Variants in MARCO observed in about 807,000 individuals in gnomAD.
MARCO encodes the protein macrophage receptor with collagenous structure.
Under a neutral mutation model 70.0 loss-of-function variants are expected in MARCO, and 72 were observed. The ratio of observed to expected loss-of-function variants is 1.03; its 90% CI spans 0.85 to 1.25. MARCO has a LOEUF of 1.25. Ranked by LOEUF, MARCO falls within the 50% of genes most tolerant of loss-of-function variation. The pLI is 0.00. For synonymous variants in MARCO, 273 were observed against 243.1 expected, an observed-to-expected ratio of 1.12 and a Z score of -1.14; for missense variants, 696 against 659.3, an observed-to-expected ratio of 1.06 and a Z score of -0.61.
At chr2:118,976,617 C>A (rs756736299) in intron 6 of MARCO, among the ~76,000 whole-genome samples, 1 of 152,166 alleles carries the variant, frequency 6.6e-6, no homozygotes, top group South Asian at 2.1e-4. Context: ...TGGGAATCAC[C>A]GTTTCTCAAT....
chr2:118,965,152 C>T (rs1196637568), intron 1 of MARCO, among the ~76,000 whole-genome samples: 1 of 152,134 alleles, frequency 6.6e-6, no homozygotes, highest in Non-Finnish European at 1.5e-5. Flanking sequence ...TTAAGCCTCA[C>T]ACTTTTTCTA....
intron 1 of MARCO, among the ~76,000 whole-genome samples, chr2:118,968,580 G>A (rs1050032809): frequency 6.6e-6 from 1 of 152,062 alleles, no homozygotes; most frequent in African/African-American, 2.4e-5. Context: ...GACCTTAGGG[G>A]GTTGAGGGAT....
intron 12 of MARCO, among the ~76,000 whole-genome samples, chr2:118,989,851 A>C (rs946878083): frequency 6.6e-6 from 1 of 152,272 alleles, no homozygotes; most frequent in African/African-American, 2.4e-5. Flanking sequence ...TCTGAAATAA[A>C]ATAAATATTG....
intron 1 of MARCO, among the ~76,000 whole-genome samples, chr2:118,965,079 C>A (rs1162103594): frequency 6.6e-6 from 1 of 152,044 alleles, no homozygotes; most frequent in African/African-American, 2.4e-5. Flanking sequence ...TTTCTTTAAT[C>A]TGTAGGTTTA....
At chr2:118,966,974 G>T (rs1233815413) in intron 1 of MARCO, among the ~76,000 whole-genome samples, 2 of 152,168 alleles carry the variant, frequency 1.3e-5, no homozygotes, top group Non-Finnish European at 2.9e-5. Context: ...CTCTGCACAT[G>T]TTCAGCACCC....
intron 12 of MARCO, among the ~76,000 whole-genome samples, chr2:118,986,492 C>T (rs1385300902): frequency 6.8e-6 from 1 of 146,818 alleles, no homozygotes; most frequent in Non-Finnish European, 1.5e-5. Context: ...TGCACTCCAG[C>T]CTGAGCAACA....
chr2:118,967,561 C>G (rs562975765), intron 1 of MARCO, among the ~76,000 whole-genome samples: 1 of 152,028 alleles, frequency 6.6e-6, no homozygotes, highest in Non-Finnish European at 1.5e-5. Context: ...GCAGAGGAGA[C>G]GGGGCACTCC....
intron 6 of MARCO, among the ~76,000 whole-genome samples, chr2:118,977,119 A>C (rs1181929718): frequency 6.6e-6 from 1 of 152,182 alleles, no homozygotes; most frequent in Non-Finnish European, 1.5e-5. Context: ...TAATCTCTTC[A>C]TAAGAGATCT....
chr2:118,947,895 G>GTTA (rs1317523637), intron 1 of MARCO, among the ~76,000 whole-genome samples: 2 of 152,096 alleles, frequency 1.3e-5, no homozygotes, highest in Non-Finnish European at 2.9e-5. Context: ...ATTTTGATAG[G>GTTA]CATTGTGTTA....
chr2:118,974,896 A>G (rs557754898), intron 6 of MARCO, among the ~76,000 whole-genome samples: 1 of 152,250 alleles, frequency 6.6e-6, no homozygotes, highest in East Asian at 1.9e-4. Context: ...CCTTGGTCCA[A>G]CAAGGACTCT....
intron 12 of MARCO, among the ~76,000 whole-genome samples, chr2:118,984,438 A>G (rs1680449126): frequency 6.6e-6 from 1 of 152,236 alleles, no homozygotes; most frequent in South Asian, 2.1e-4. Context: ...CCTAGTGGTG[A>G]GTACCAGCCA....
intron 16 of MARCO, 33 bp downstream of exon 16, chr2:118,993,333 C>T (rs779623871): frequency 1.2e-6 from 2 of 1,607,508 alleles, no homozygotes; most frequent in South Asian, 2.2e-5. Context: ...GCCTCTTCCC[C>T]AGAGGTGTGG....
At chr2:118,977,994 G>T in intron 8 of MARCO, 59 bp downstream of exon 8, 3 of 1,149,704 alleles carry the variant, frequency 2.6e-6, no homozygotes, top group Non-Finnish European at 3.8e-6. Flanking sequence ...ACTAGGGCCT[G>T]ACCTCTGTGC....
At chr2:118,993,387 T>A (rs984608646) in intron 16 of MARCO, 87 bp downstream of exon 16, 3 of 1,363,732 alleles carry the variant, frequency 2.2e-6, no homozygotes, top group Non-Finnish European at 3.1e-6. Flanking sequence ...AGTGACTCAG[T>A]GTGGTTTTCT....
In MARCO at chr2:118,957,248, C is replaced by T. The variant is rs187949930; in HGVS notation, c.98-11912C>T. Among the ~76,000 whole-genome samples, 85 of 151,742 alleles carry T rather than the reference C, an allele frequency of 5.6e-4. 1 individual carries two copies. The highest frequency in any genetic ancestry group is 3.3e-3 in the East Asian group (17 of 5,184). ...ATTGATAGACCGTTAACAAGATAAA[C>T]GAAGGAAAGAAGAGAGAAAAACCAA... On this transcript the variant is annotated intron_variant, in intron 1 of 16. Coordinates refer to ENST00000327097, the MANE Select transcript of MARCO (RefSeq NM_006770.4).
intron 8 of MARCO, among the ~76,000 whole-genome samples, chr2:118,978,583 G>A (rs371130286): frequency 3.3e-5 from 5 of 152,240 alleles, no homozygotes; most frequent in Admixed American, 6.5e-5. Context: ...TGAGGATTGC[G>A]GGGCCAGGCG....
chr2:118,984,985 G>A (rs960304302), intron 12 of MARCO, among the ~76,000 whole-genome samples: 3 of 152,136 alleles, frequency 2.0e-5, no homozygotes, highest in African/African-American at 7.2e-5. Context: ...CTTGACCTAG[G>A]TGACAGCTAG....
intron 4 of MARCO, among the ~76,000 whole-genome samples, chr2:118,973,405 GTC>G (rs1242767608): frequency 2.0e-5 from 3 of 150,054 alleles, no homozygotes; most frequent in Admixed American, 6.6e-5. Flanking sequence ...CTCTCTCTCT[GTC>G]TCTTCCCACT....
At chr2:118,957,503 AC>A (rs1311268058) in intron 1 of MARCO, among the ~76,000 whole-genome samples, 1 of 151,784 alleles carries the variant, frequency 6.6e-6, no homozygotes, top group African/African-American at 2.4e-5. Flanking sequence ...TTTAAAAATT[AC>A]CCCCCAAAAA....
Sources: gnomAD v4.1 joint callset for allele counts (sites outside exome capture counted in the v4.1 genomes callset) on GRCh38, gnomAD v4.1.1 for gene constraint, MANE v1.5 for transcripts, NCBI Gene and HGNC (gene_info 2026-07-23, HGNC 2026-07-21) for gene names.